The following RRP15 variants were observed in gnomAD, a reference collection of about 807,000 sequenced individuals.
RRP15 encodes ribosomal RNA processing 15 homolog, also known as RRP15-like protein.
Under a neutral mutation model 27.1 loss-of-function variants are expected in RRP15, and 18 were observed. That is an observed-to-expected ratio of 0.66 (90% CI 0.46 to 0.98). The LOEUF (loss-of-function observed/expected upper bound fraction) is 0.98. RRP15 is among the 50% of genes least tolerant of loss of function. RRP15 has a pLI of 0.00. For missense variants in RRP15, 359 were observed against 337.8 expected, an observed-to-expected ratio of 1.06 and a Z score of -0.49; for synonymous variants, 107 against 109.4, an observed-to-expected ratio of 0.98 and a Z score of 0.14.
At chr1:218,302,766 GGCAAAGT>G in intron 2 of RRP15, 1 of 658,698 alleles carries the variant, frequency 1.5e-6, no homozygotes, top group East Asian at 3.1e-5. Context: ...TCTATGCAAA[GGCAAAGT>G]AATAGAAATG....
In RRP15 at chr1:218,335,383, T is replaced by C. The variant is rs1656432963; in HGVS notation, c.*4292T>C. ...CTTTCTGTTAAACACTCTTTGGTTT[T>C]CAACTGAGTAAGGCAAGCAAGGATA... On this transcript the variant is annotated 3_prime_UTR_variant, in exon 5 of 5. Coordinates refer to ENST00000366932, the MANE Select transcript of RRP15 (RefSeq NM_016052.4). 6.6e-6 allele frequency: 1 copy of C among 152,224 alleles called. No homozygotes were observed. Among genetic ancestry groups the C allele is most frequent in the Non-Finnish European group, 1.5e-5 (1 of 68,042 alleles). 9.4% of individuals were successfully genotyped at this position (152,224 alleles called of 1,614,324 possible).
Position 218,331,651 on chromosome 1 carries a change from C to CTTTTTTTTTTTTTTTTTT in RRP15, c.*582_*599dup, listed in dbSNP as rs34150523. 4 of 35,652 alleles carry CTTTTTTTTTTTTTTTTTT rather than the reference C, an allele frequency of 1.1e-4. 1 individual carries two copies. The highest frequency in any genetic ancestry group is 3.5e-4 in the African/African-American group (4 of 11,434). 2.2% of individuals were successfully genotyped at this position (35,652 alleles called of 1,614,324 possible). The stretch of plus-strand genomic sequence containing the variant: ...TGATTTAAGAAACAACAGATTTCAA[C>CTTTTTTTTTTTTTTTTTT]TTTTTTTTTTTTTTTTTTTTTTTTT... On this transcript the variant is annotated 3_prime_UTR_variant, in exon 5 of 5. Transcript: ENST00000366932.
At position 218,329,264 on chromosome 1, in the gene RRP15, A is replaced by AG. The variant is rs1571810911; in HGVS notation, c.706-1684_706-1683insG. Among the ~76,000 whole-genome samples the AG allele has an allele frequency of 4.0e-5, 6 of 148,530 alleles. No individual in the cohort carries two copies. In the East Asian group the frequency reaches 9.8e-4, roughly 24 times the overall value. ...AAAAAAAAAAAAAAAAAAAAAAAAA[A>AG]AAAAAATTAGCCAGGCATGATGGTG... On this transcript the variant is annotated intron_variant, in intron 4 of 4. Coordinates refer to ENST00000366932, the MANE Select transcript of RRP15 (RefSeq NM_016052.4).
intron 4 of RRP15, among the ~76,000 whole-genome samples, chr1:218,308,140 C>T (rs143741892): frequency 6.0e-4 from 79 of 131,670 alleles, no homozygotes; most frequent in African/African-American, 1.7e-3. Context: ...GGCGCGATCT[C>T]GGCTCACTGA....
At chr1:218,313,848 T>C (rs17557846) in intron 4 of RRP15, among the ~76,000 whole-genome samples, 3,018 of 152,272 alleles carry the variant, frequency 0.02, 50 homozygotes, top group Middle Eastern at 0.095. Flanking sequence ...TTTCAGTTAT[T>C]TGGAAGGAAT....
At chr1:218,314,810 G>A (rs1027825765) in intron 4 of RRP15, among the ~76,000 whole-genome samples, 21 of 151,846 alleles carry the variant, frequency 1.4e-4, no homozygotes, top group African/African-American at 5.1e-4. Flanking sequence ...GGCCAACATG[G>A]TGAAACCCCG....
chr1:218,334,471 CTA>C lies in RRP15; in HGVS notation c.*3382_*3383del, dbSNP rs1464747845. On this transcript the variant is annotated 3_prime_UTR_variant, in exon 5 of 5. Transcript: ENST00000366932. ...TCTTATGTTTTCCTCCCATTTCCTT[CTA>C]TGTCTCCATTAATGTGCTAACTTGA... The C allele has an allele frequency of 1.3e-5, 2 of 152,154 alleles. No individual in the cohort carries two copies. Among genetic ancestry groups the C allele is most frequent in the African/African-American group, 4.8e-5 (2 of 41,416 alleles). The allele number at this position is 152,154 out of a possible 1,614,324, so 9.4% of individuals were successfully genotyped here. A position where few individuals can be genotyped will look rare whatever the true frequency, so the allele number is the denominator to read the frequency against.
intron 1 of RRP15, 70 bp downstream of exon 1, chr1:218,285,525 T>C: frequency 6.3e-7 from 1 of 1,594,626 alleles, no homozygotes; most frequent in Non-Finnish European, 8.5e-7. Flanking sequence ...AAGCAGCGCT[T>C]GCGACTTCAT....
intron 1 of RRP15, among the ~76,000 whole-genome samples, chr1:218,292,669 A>T (rs1655662590): frequency 6.6e-6 from 1 of 152,242 alleles, no homozygotes; most frequent in Non-Finnish European, 1.5e-5. Context: ...AATAACAGTG[A>T]TTGACTGACT....
chr1:218,301,384 T>A (rs1558204163), intron 1 of RRP15: 1 of 152,218 alleles, frequency 6.6e-6, no homozygotes, highest in African/African-American at 2.4e-5. Flanking sequence ...TAGAGATGCA[T>A]GCATGCAATG....
chr1:218,309,247 T>A (rs1033004117), intron 4 of RRP15, among the ~76,000 whole-genome samples: 1 of 152,240 alleles, frequency 6.6e-6, no homozygotes, highest in African/African-American at 2.4e-5. Flanking sequence ...CCTGACATAT[T>A]TCTTTCTTTT....
At chr1:218,291,321 T>C (rs1010363578) in intron 1 of RRP15, among the ~76,000 whole-genome samples, 1 of 151,708 alleles carries the variant, frequency 6.6e-6, no homozygotes, top group African/African-American at 2.4e-5. Context: ...GGTGTATGCC[T>C]GTAGTGCCAG....
At chr1:218,299,745 G>T (rs577038587) in intron 1 of RRP15, among the ~76,000 whole-genome samples, 5 of 152,170 alleles carry the variant, frequency 3.3e-5, no homozygotes, top group African/African-American at 1.2e-4. Flanking sequence ...TCTAAGAATT[G>T]TTTATTTTGT....
intron 4 of RRP15, among the ~76,000 whole-genome samples, chr1:218,316,428 G>A (rs1656090810): frequency 6.6e-6 from 1 of 152,110 alleles, no homozygotes; most frequent in Non-Finnish European, 1.5e-5. Flanking sequence ...AGTCTTACAT[G>A]TTAGCACCTA....
chr1:218,288,094 G>A (rs1271483978), intron 1 of RRP15, among the ~76,000 whole-genome samples: 3 of 152,222 alleles, frequency 2.0e-5, no homozygotes, highest in Admixed American at 6.5e-5. Flanking sequence ...AAAGGGCCTT[G>A]TGTATTTGTA....
chr1:218,303,956 G>A (rs1274192138), intron 2 of RRP15, among the ~76,000 whole-genome samples: 2 of 151,986 alleles, frequency 1.3e-5, no homozygotes, highest in Admixed American at 1.3e-4. Flanking sequence ...CTTTGAGTAC[G>A]GAATATAATT....
At position 218,307,435 on chromosome 1, in the gene RRP15, G is replaced by A. The variant is rs781521939; in HGVS notation, c.508G>A (p.Val170Met). The change falls in exon 4 of 5, where the codon GTG becomes ATG. Residue 170 changes from valine (V) to methionine (M), a missense_variant. By Grantham distance (21) the Val-to-Met change is conservative (BLOSUM62 1). Coordinates refer to ENST00000366932, the MANE Select transcript of RRP15 (RefSeq NM_016052.4). Reference sequence around the variant, plus strand: ...TGGTCATTTTATATTCTACAGGGGTGTGGTGCAATTATTTAATGCTGTTCA... The same window carrying A: ...TGGTCATTTTATATTCTACAGGGGTATGGTGCAATTATTTAATGCTGTTCA... ...RNLQRIATRG[V>M]VQLFNAVQKH... 1.9e-6 allele frequency: 3 copies of A among 1,612,646 alleles called. No individual in the cohort carries two copies. In the South Asian group the frequency reaches 3.3e-5, roughly 18 times the overall value.
chr1:218,309,718 T>C (rs1157975547), intron 4 of RRP15, among the ~76,000 whole-genome samples: 1 of 151,138 alleles, frequency 6.6e-6, no homozygotes. Flanking sequence ...ACATATTTAT[T>C]AAGTGCCTGT....
intron 4 of RRP15, among the ~76,000 whole-genome samples, chr1:218,308,092 G>A (rs942829596): frequency 1.3e-3 from 14 of 11,052 alleles, no homozygotes; most frequent in Non-Finnish European, 3.7e-3. Flanking sequence ...TTTTTTTTTT[G>A]ATGGAGTCTT....
Sources: allele counts gnomAD v4.1 joint callset (sites outside exome capture counted in the v4.1 genomes callset), GRCh38; gene constraint gnomAD v4.1.1; transcripts MANE v1.5; gene names NCBI Gene and HGNC (gene_info 2026-07-23, HGNC 2026-07-21).